RCL1: variants seen among roughly 807,000 people sequenced by gnomAD.
RCL1 encodes RNA 3'-terminal phosphate cyclase-like protein.
Under a neutral mutation model 42.4 loss-of-function variants are expected in RCL1, and 24 were observed. The ratio of observed to expected loss-of-function variants is 0.57; its 90% CI spans 0.41 to 0.80. The LOEUF (loss-of-function observed/expected upper bound fraction) is 0.80. Among genes scored for constraint, RCL1 ranks in the 30% least tolerant of loss-of-function variants. The probability of loss-of-function intolerance (pLI) is 0.00; values close to 1 mark genes in which losing one functional copy is unlikely to be tolerated. For missense variants in RCL1, 578 were observed against 467.9 expected, an observed-to-expected ratio of 1.24 and a Z score of -2.17; for synonymous variants, 228 against 177.3, an observed-to-expected ratio of 1.29 and a Z score of -2.27.
In RCL1 at chr9:4,860,291, A is replaced by C; in HGVS notation, c.*16A>C. On this transcript the variant is annotated 3_prime_UTR_variant, in exon 9 of 9. Transcript: ENST00000381750. ...CCTCAAGTGATAACCATCACAAGAT[A>C]AGGCCCCAATGCCTACAGACAAAGC... 6.2e-7 allele frequency: 1 copy of C among 1,611,360 alleles called. No homozygotes were observed. Among genetic ancestry groups the C allele is most frequent in the South Asian group, 1.1e-5 (1 of 90,346 alleles).
intron 1 of RCL1, among the ~76,000 whole-genome samples, chr9:4,802,034 G>A (rs1049637908): frequency 2.0e-5 from 3 of 149,874 alleles, no homozygotes; most frequent in Non-Finnish European, 3.0e-5. Context: ...TCAGTCTCCC[G>A]AGCATCTGGG....
intron 2 of RCL1, 79 bp from the exon 3 acceptor site, chr9:4,826,779 G>C: frequency 7.9e-7 from 1 of 1,270,956 alleles, no homozygotes; most frequent in Non-Finnish European, 1.1e-6. Flanking sequence ...CTTTCCCCTT[G>C]GAACTCACTG....
chr9:4,825,977 C>G (rs1816746687), intron 2 of RCL1, among the ~76,000 whole-genome samples: 1 of 151,426 alleles, frequency 6.6e-6, no homozygotes, highest in Non-Finnish European at 1.5e-5. Flanking sequence ...TGCCTAGGGT[C>G]TCAGCACTTT....
intron 8 of RCL1, among the ~76,000 whole-genome samples, chr9:4,853,562 C>T (rs544452615): frequency 6.6e-6 from 1 of 152,196 alleles, no homozygotes; most frequent in African/African-American, 2.4e-5. Flanking sequence ...ACCTGGTGAT[C>T]CACATGCTTC....
chr9:4,812,844 G>A (rs1026733611), intron 1 of RCL1, among the ~76,000 whole-genome samples: 7 of 151,846 alleles, frequency 4.6e-5, no homozygotes, highest in South Asian at 2.1e-4. Flanking sequence ...TTGTAAATGC[G>A]ATTGCTTATT....
rs529307787 is a variant in RCL1 at position 4,825,980 on chromosome 9, A to G, written c.209-878A>G. Among the ~76,000 whole-genome samples the G allele has an allele frequency of 8.5e-5, 13 of 152,172 alleles. No individual in the cohort carries two copies. The East Asian group carries it at 2.5e-3, about 29-fold the overall frequency. ...TGTGGTAGCATGTGCCTAGGGTCTC[A>G]GCACTTTGGGAGGCTGAGGTGGGAG... On this transcript the variant is annotated intron_variant, in intron 2 of 8. Transcript: ENST00000381750.
At chr9:4,812,410 C>T (rs1426994910) in intron 1 of RCL1, among the ~76,000 whole-genome samples, 1 of 151,674 alleles carries the variant, frequency 6.6e-6, no homozygotes, top group African/African-American at 2.4e-5. Flanking sequence ...CTATAGTTTT[C>T]CCAGGACCAT....
chr9:4,841,022 G>A (rs554172048), intron 5 of RCL1, among the ~76,000 whole-genome samples: 36 of 152,192 alleles, frequency 2.4e-4, no homozygotes, highest in African/African-American at 8.7e-4. Flanking sequence ...ACTTTCCACT[G>A]TCTCTATTGT....
At chr9:4,805,049 G>A (rs142767966) in intron 1 of RCL1, 1,984 of 152,440 alleles carry the variant, frequency 0.013, 23 homozygotes, top group Middle Eastern at 0.024. Flanking sequence ...GACTTGCTAG[G>A]TGGCTGCCTC....
At chr9:4,827,323 C>A in intron 3 of RCL1, 1 of 1,167,086 alleles carries the variant, frequency 8.6e-7, no homozygotes, top group Non-Finnish European at 1.2e-6. Flanking sequence ...AACTATAGTT[C>A]TGCTGGCTGT....
chr9:4,853,467 GC>G (rs1817827095), intron 8 of RCL1, among the ~76,000 whole-genome samples: 1 of 152,050 alleles, frequency 6.6e-6, no homozygotes, highest in African/African-American at 2.4e-5. Context: ...GACTACAGGC[GC>G]CCGCCACCAT....
At chr9:4,854,822 C>T (rs990434712) in intron 8 of RCL1, among the ~76,000 whole-genome samples, 18 of 152,024 alleles carry the variant, frequency 1.2e-4, no homozygotes, top group Admixed American at 6.5e-4. Context: ...TTTGGGAGGC[C>T]GAGGCGGGTA....
intron 1 of RCL1, among the ~76,000 whole-genome samples, chr9:4,822,136 G>A (rs1287983123): frequency 1.3e-5 from 2 of 152,230 alleles, no homozygotes; most frequent in Non-Finnish European, 2.9e-5. Context: ...TGTACAAATT[G>A]CAGAATCCAT....
At chr9:4,840,561 G>T (rs1269541586) in intron 5 of RCL1, among the ~76,000 whole-genome samples, 2 of 152,148 alleles carry the variant, frequency 1.3e-5, no homozygotes, top group African/African-American at 4.8e-5. Context: ...TATTGTAGGA[G>T]TGCTAATTAT....
intron 1 of RCL1, among the ~76,000 whole-genome samples, chr9:4,816,773 A>T (rs927773536): frequency 3.9e-5 from 6 of 152,322 alleles, no homozygotes; most frequent in African/African-American, 1.4e-4. Flanking sequence ...ATACTACAAT[A>T]GCCATCTTTA....
chr9:4,830,841 T>C (rs1418561647), intron 3 of RCL1, among the ~76,000 whole-genome samples: 1 of 152,204 alleles, frequency 6.6e-6, no homozygotes, highest in Non-Finnish European at 1.5e-5. Context: ...TTTTGATTGA[T>C]TGACTGCGCT....
chr9:4,830,804 T>G (rs1816917831), intron 3 of RCL1, among the ~76,000 whole-genome samples: 1 of 152,240 alleles, frequency 6.6e-6, no homozygotes, highest in South Asian at 2.1e-4. Flanking sequence ...TTTTCTTTTT[T>G]TAGCATAGAT....
intron 1 of RCL1, among the ~76,000 whole-genome samples, chr9:4,817,618 G>T (rs1265659105): frequency 2.0e-5 from 3 of 151,810 alleles, no homozygotes; most frequent in Non-Finnish European, 4.4e-5. Context: ...GCCCCCCTGA[G>T]TAGCTGGGAC....
At chr9:4,848,877 C>A (rs537675879) in intron 7 of RCL1, among the ~76,000 whole-genome samples, 24 of 152,184 alleles carry the variant, frequency 1.6e-4, no homozygotes, top group African/African-American at 5.5e-4. Flanking sequence ...CTTAACAAGT[C>A]TTCAGTTTTA....
Sources: allele counts gnomAD v4.1 joint callset (sites outside exome capture counted in the v4.1 genomes callset), GRCh38; gene constraint gnomAD v4.1.1; transcripts MANE v1.5; gene names NCBI Gene and HGNC (gene_info 2026-07-23, HGNC 2026-07-21).